The following PRKN variants were observed in gnomAD, a reference collection of about 807,000 sequenced individuals.
The protein encoded by PRKN is parkin RBR E3 ubiquitin protein ligase.
In PRKN, 56 loss-of-function variants were observed where a neutral mutation model predicts 59.5. That is an observed-to-expected ratio of 0.94 (90% CI 0.76 to 1.18). The LOEUF (loss-of-function observed/expected upper bound fraction) is 1.18, where lower values mean the gene tolerates loss of function less well. PRKN is among the 50% of genes most tolerant of loss of function. The probability of loss-of-function intolerance (pLI) is 0.00; values close to 1 mark genes in which losing one functional copy is unlikely to be tolerated. For synonymous variants in PRKN, 250 were observed against 222.1 expected (o/e 1.13, Z -1.12); for missense variants, 657 against 596.4 (o/e 1.10, Z -1.06).
intron 9 of PRKN, among the ~76,000 whole-genome samples, chr6:161,493,964 C>T (rs1777650723): frequency 6.6e-6 from 1 of 152,188 alleles, no homozygotes; most frequent in Non-Finnish European, 1.5e-5. Context: ...GGCAGGGACG[C>T]TCGATCAGCC....
chr6:161,773,511 T>C (rs1789783405), intron 7 of PRKN, among the ~76,000 whole-genome samples: 1 of 151,310 alleles, frequency 6.6e-6, no homozygotes, highest in Non-Finnish European at 1.5e-5. Flanking sequence ...TTTATCTATC[T>C]GCACATACAC....
chr6:162,501,616 AAAG>A (rs1198701883), intron 1 of PRKN, among the ~76,000 whole-genome samples: 1 of 151,576 alleles, frequency 6.6e-6, no homozygotes, highest in African/African-American at 2.4e-5. Context: ...TTGGCCTCCC[AAAG>A]TGCTGGGATT....
chr6:162,489,250 T>C (rs1347240398), intron 1 of PRKN, among the ~76,000 whole-genome samples: 1 of 152,152 alleles, frequency 6.6e-6, no homozygotes, highest in East Asian at 1.9e-4. Flanking sequence ...TATGAAACAA[T>C]CAAGGATGGC....
At position 162,443,309 on chromosome 6, in the gene PRKN, C is replaced by T. The variant is rs144013024; in HGVS notation, c.171+1G>A. 7 of 1,612,156 alleles carry T rather than the reference C, an allele frequency of 4.3e-6. No homozygotes were observed. Among genetic ancestry groups the T allele is most frequent in the Non-Finnish European group, 5.1e-6 (6 of 1,180,008 alleles). On this transcript the variant is annotated splice_donor_variant, in intron 2 of 11. Coordinates refer to ENST00000366898, the MANE Select transcript of PRKN (RefSeq NM_004562.3). LOFTEE classifies it high-confidence loss of function. ...AAGAACGGCCGCCAAGGGAGACTCA[C>T]CTGCACAGTCCAGTCATTCCTCAGC...
rs760334920 is a variant in PRKN at position 161,409,872 on chromosome 6, G to A, written c.1084-22995C>T. On this transcript the variant is annotated intron_variant, in intron 9 of 11. Transcript: ENST00000366898. This position sits in a 1 kb window ranked among gnomAD's most constrained non-coding sequence, Gnocchi z 4.6. ...AACTGTGATGTATCTATATAAATCT[G>A]AGTAGCAGATCCATTCTCATAAAGT... 6.6e-6 allele frequency among the ~76,000 whole-genome samples: 1 copy of A among 152,156 alleles called. No homozygotes were observed. Among genetic ancestry groups the A allele is most frequent in the Admixed American group, 6.5e-5 (1 of 15,274 alleles).
intron 4 of PRKN, among the ~76,000 whole-genome samples, chr6:162,128,176 G>A (rs1781196302): frequency 6.6e-6 from 1 of 152,192 alleles, no homozygotes; most frequent in Non-Finnish European, 1.5e-5. Flanking sequence ...CAAGAGCCAT[G>A]TCTCTTCTGT....
chr6:161,733,989 CACACACACACACACACAT>C (rs1344400289), intron 7 of PRKN, among the ~76,000 whole-genome samples: 2 of 145,980 alleles, frequency 1.4e-5, no homozygotes, highest in African/African-American at 5.4e-5. Flanking sequence ...CACACACACA[CACACACACACACACACAT>C]ATTTGCTAAT....
At chr6:162,509,757 A>G (rs1261830214) in intron 1 of PRKN, among the ~76,000 whole-genome samples, 1 of 152,194 alleles carries the variant, frequency 6.6e-6, no homozygotes, top group East Asian at 1.9e-4. Context: ...GTTTTATTAC[A>G]TCGTTCTGTT....
In PRKN at chr6:162,604,697, C is replaced by T. The variant is rs1208264938; in HGVS notation, c.7+122965G>A. 2.2e-5 allele frequency among the ~76,000 whole-genome samples: 3 copies of T among 135,230 alleles called. No individual in the cohort carries two copies. In the Admixed American group the frequency reaches 2.2e-4, roughly 10 times the overall value. 88.7% of individuals were successfully genotyped at this position (135,230 alleles called of 152,430 possible). A position where few individuals can be genotyped will look rare whatever the true frequency, so the allele number is the denominator to read the frequency against. On this transcript the variant is annotated intron_variant, in intron 1 of 11. Transcript: ENST00000366898. ...CACAGGCCCTGTTTCTTTCTCTCTC[C>T]TTTTTTTTTTTTTTTTTAACTTAGA... is the stretch of plus-strand genomic sequence containing the variant.
intron 1 of PRKN, among the ~76,000 whole-genome samples, chr6:162,670,880 G>C (rs980125718): frequency 5.9e-5 from 9 of 152,206 alleles, no homozygotes; most frequent in African/African-American, 2.2e-4. Flanking sequence ...TTTTTATACT[G>C]TCTGATAAAA....
intron 2 of PRKN, among the ~76,000 whole-genome samples, chr6:162,440,174 C>T (rs1419297328): frequency 1.3e-5 from 2 of 152,070 alleles, no homozygotes; most frequent in Non-Finnish European, 2.9e-5. Context: ...AATAACAAAA[C>T]TGAACAGATG....
intron 7 of PRKN, among the ~76,000 whole-genome samples, chr6:161,649,340 T>G (rs768641277): frequency 1.3e-5 from 2 of 152,326 alleles, no homozygotes; most frequent in Admixed American, 6.5e-5. Context: ...ATTCAACTCA[T>G]TATTGTCATG....
chr6:161,836,987 C>A (rs747075646), intron 6 of PRKN, among the ~76,000 whole-genome samples: 10 of 152,196 alleles, frequency 6.6e-5, no homozygotes, highest in Non-Finnish European at 1.0e-4. Flanking sequence ...TTTCGCTCCG[C>A]TCCCACACTC....
chr6:161,625,064 C>T (rs1052396172), intron 7 of PRKN, among the ~76,000 whole-genome samples: 5 of 152,104 alleles, frequency 3.3e-5, no homozygotes, highest in African/African-American at 1.2e-4. Flanking sequence ...AAGTCCTATG[C>T]CCTTTTTAAA....
intron 2 of PRKN, among the ~76,000 whole-genome samples, chr6:162,393,155 C>T (rs369469211): frequency 5.8e-3 from 466 of 79,844 alleles, no homozygotes; most frequent in East Asian, 0.012. Flanking sequence ...ATAGGAGATT[C>T]TTTTTTTTTT....
At chr6:162,108,691 A>C (rs1780294751) in intron 4 of PRKN, among the ~76,000 whole-genome samples, 1 of 152,208 alleles carries the variant, frequency 6.6e-6, no homozygotes, top group Non-Finnish European at 1.5e-5. Flanking sequence ...GCAGTGACAA[A>C]GAACGGTGAA....
chr6:161,515,408 G>A (rs1778552459), intron 9 of PRKN, among the ~76,000 whole-genome samples: 1 of 152,176 alleles, frequency 6.6e-6, no homozygotes, highest in South Asian at 2.1e-4. Context: ...CATAGTAAAT[G>A]TAATTTTGTG....
chr6:161,898,268 C>T lies in PRKN; in HGVS notation c.734+75034G>A, dbSNP rs115691365. Among the ~76,000 whole-genome samples, 433 of 150,854 alleles carry T rather than the reference C, an allele frequency of 2.9e-3. 6 individuals carry two copies. Among genetic ancestry groups the T allele is most frequent in the African/African-American group, 0.01 (403 of 40,270 alleles). Reference sequence around the variant, plus strand: ...TTGGCACAGTGAACCCTTTGAATTACGGAAGTATTTTACTTAAAGTTTCAT... The same window carrying T: ...TTGGCACAGTGAACCCTTTGAATTATGGAAGTATTTTACTTAAAGTTTCAT... On this transcript the variant is annotated intron_variant, in intron 6 of 11. Transcript: ENST00000366898.
At chr6:162,443,584 G>C (rs1790168356) in intron 1 of PRKN, 111 bp from the exon 2 acceptor site, 1 of 967,798 alleles carries the variant, frequency 1.0e-6, no homozygotes, top group Admixed American at 1.9e-5. Flanking sequence ...TTCAGTGAAT[G>C]GTATATATTT....
Sources: gnomAD v4.1 joint callset for allele counts (sites outside exome capture counted in the v4.1 genomes callset) on GRCh38, gnomAD v4.1.1 for gene constraint, Gnocchi (gnomAD v3.1) non-coding constraint, MANE v1.5 for transcripts, NCBI Gene and HGNC (gene_info 2026-07-23, HGNC 2026-07-21) for gene names.